PPP1R12C: variants seen among roughly 807,000 people sequenced by gnomAD.
PPP1R12C encodes the protein protein phosphatase 1 regulatory subunit 12C, also known as leukocyte receptor cluster (LRC) encoded novel gene 3.
A neutral mutation model predicts 95.6 loss-of-function variants in PPP1R12C; 48 were observed. The ratio of observed to expected loss-of-function variants is 0.50; its 90% CI spans 0.40 to 0.64. The LOEUF is 0.64. Ranked by LOEUF, PPP1R12C falls within the 30% of genes least tolerant of loss-of-function variation. The pLI, the probability that PPP1R12C is intolerant of heterozygous loss-of-function variation, is 0.00. For synonymous variants in PPP1R12C, 480 were observed against 460.8 expected (o/e 1.04, Z -0.53); for missense variants, 1,057 against 1,083.3 (o/e 0.98, Z 0.34).
At chr19:55,092,179 G>C in intron 19 of PPP1R12C, 43 bp downstream of exon 19, 3 of 1,501,862 alleles carry the variant, frequency 2.0e-6, no homozygotes, top group Non-Finnish European at 2.7e-6. Flanking sequence ...CCCCACCCAG[G>C]CGGCCCTGCC....
intron 1 of PPP1R12C, among the ~76,000 whole-genome samples, chr19:55,115,935 G>C (rs573554511): frequency 2.0e-5 from 3 of 152,312 alleles, no homozygotes; most frequent in African/African-American, 7.2e-5. Context: ...AAGAAGACTA[G>C]CTGAGCTCTC....
intron 4 of PPP1R12C, among the ~76,000 whole-genome samples, chr19:55,100,462 G>A (rs1052256760): frequency 2.0e-5 from 3 of 152,248 alleles, no homozygotes; most frequent in Admixed American, 6.5e-5. Flanking sequence ...GCTATGAGCC[G>A]CACACAGGCC....
chr19:55,111,087 T>C (rs1047481983), intron 3 of PPP1R12C, among the ~76,000 whole-genome samples: 2 of 132,008 alleles, frequency 1.5e-5, no homozygotes, highest in African/African-American at 5.6e-5. Flanking sequence ...TCCCTTTATG[T>C]GAAGTGTACA....
chr19:55,100,597 GT>G (rs576835766), intron 4 of PPP1R12C, among the ~76,000 whole-genome samples: 249 of 152,328 alleles, frequency 1.6e-3, no homozygotes, highest in African/African-American at 5.7e-3. Context: ...TGCAACAAAT[GT>G]TTTTTTGTTT....
Position 55,094,668 on chromosome 19 carries a change from G to A in PPP1R12C, c.1585C>T (p.Arg529Ter). The A allele has an allele frequency of 1.3e-6, 2 of 1,593,652 alleles. No individual in the cohort carries two copies. The highest frequency in any genetic ancestry group is 8.5e-7 in the Non-Finnish European group (1 of 1,173,310). ...STAPPADSRD[R>*]RRSYQMPVRD... Reference sequence around the variant, plus strand: ...CTGCCCTGGCCTCTTCACCTCCGTCGGTCCCGGGAGTCCGCTGGGGGCGCC... The same window carrying A: ...CTGCCCTGGCCTCTTCACCTCCGTCAGTCCCGGGAGTCCGCTGGGGGCGCC... The change falls in exon 12 of 22, where the codon CGA becomes TGA. Residue 529 changes from arginine (R) to a stop codon, truncating the protein, a stop_gained. Coordinates refer to ENST00000263433, the MANE Select transcript of PPP1R12C (RefSeq NM_017607.4). LOFTEE classifies it high-confidence loss of function.
chr19:55,107,698 C>T (rs1437157202), intron 3 of PPP1R12C, among the ~76,000 whole-genome samples: 4 of 96,316 alleles, frequency 4.2e-5, no homozygotes, highest in African/African-American at 8.8e-5. Context: ...TGGGGCCTGT[C>T]GTGGGGTGGG....
chr19:55,105,872 G>A (rs1311827816), intron 3 of PPP1R12C, among the ~76,000 whole-genome samples: 3 of 151,880 alleles, frequency 2.0e-5, no homozygotes, highest in Non-Finnish European at 4.4e-5. Flanking sequence ...GGCCCACGAG[G>A]TCAAGGCTGC....
intron 1 of PPP1R12C, among the ~76,000 whole-genome samples, chr19:55,116,922 G>C (rs995114292): frequency 1.3e-5 from 2 of 150,734 alleles, no homozygotes; most frequent in African/African-American, 4.9e-5. Context: ...GCCAGGGCCA[G>C]TTAAAGCGAC....
intron 4 of PPP1R12C, 135 bp from the exon 5 acceptor site, chr19:55,099,230 C>G: frequency 9.5e-7 from 1 of 1,050,716 alleles, no homozygotes; most frequent in Non-Finnish European, 1.3e-6. Context: ...TAAAGAGCCA[C>G]TGCCCAGCAT....
Position 55,117,252 on chromosome 19 carries a change from T to C in PPP1R12C, c.292A>G (p.Asn98Asp). The C allele has an allele frequency of 8.2e-7, 1 of 1,226,678 alleles. No homozygotes were observed. Among genetic ancestry groups the C allele is most frequent in the Non-Finnish European group, 1.0e-6 (1 of 985,704 alleles). 76.0% of individuals were successfully genotyped at this position (1,226,678 alleles called of 1,614,324 possible). Residue 98 changes from asparagine to aspartate, a missense_variant, in exon 1 of 22, where the codon AAC (asparagine) becomes GAC (aspartate). Asn to Asp is a conservative substitution (Grantham distance 23). Transcript: ENST00000263433. ...PPARAVLDST[N>D]ADGISALHQA... is the part of the protein sequence containing the mutation. ...TGCAGGGCGCTGATACCGTCGGCGTTGGTGGAGTCCAGCACGGCGCGGGCG... is the reference window on the plus strand; with the variant it reads ...TGCAGGGCGCTGATACCGTCGGCGTCGGTGGAGTCCAGCACGGCGCGGGCG...
chr19:55,113,674 C>T (rs1337823736), intron 1 of PPP1R12C: 3 of 1,109,128 alleles, frequency 2.7e-6, no homozygotes, highest in Non-Finnish European at 2.3e-6. Flanking sequence ...CTCACCTCTC[C>T]AAAGCTGCCC....
Position 55,092,544 on chromosome 19 carries a change from G to A in PPP1R12C, c.1953C>T (p.Ser651=). 1 of 1,599,514 alleles carries A rather than the reference G, an allele frequency of 6.3e-7. No homozygotes were observed. Among genetic ancestry groups the A allele is most frequent in the Non-Finnish European group, 8.5e-7 (1 of 1,173,732 alleles). ...GGGCCGAGGGGCCGCCCTCCAGGGT[G>A]CTGGGGCAGGGGAGGAGCGCGCGTC... ...AEPADRSQES[S]TLEGGPSARR... The change falls in exon 18 of 22, where the codon AGC becomes AGT. Residue 651 remains serine, a splice_region_variant and synonymous_variant. Coordinates refer to ENST00000263433, the MANE Select transcript of PPP1R12C (RefSeq NM_017607.4).
At chr19:55,113,278 T>G (rs964438275) in intron 1 of PPP1R12C, 4 of 758,232 alleles carry the variant, frequency 5.3e-6, no homozygotes, top group Non-Finnish European at 7.7e-6. Context: ...GCAGATACTC[T>G]GCAGGAACGA....
chr19:55,096,191 G>T lies in PPP1R12C; in HGVS notation c.1026-13C>A. ...ACACACAGAGCTCCTGTTGGGGAAGGAGAGGGTGCTGGGGTACAAGCCCGG... is the reference window on the plus strand; with the variant it reads ...ACACACAGAGCTCCTGTTGGGGAAGTAGAGGGTGCTGGGGTACAAGCCCGG... On this transcript the variant is annotated splice_polypyrimidine_tract_variant and intron_variant, in intron 7 of 21. Coordinates refer to ENST00000263433, the MANE Select transcript of PPP1R12C (RefSeq NM_017607.4). 1 of 1,609,120 alleles carries T rather than the reference G, an allele frequency of 6.2e-7. No homozygotes were observed.
At chr19:55,092,013 C>T in intron 19 of PPP1R12C, 104 bp from the exon 20 acceptor site, 4 of 1,435,300 alleles carry the variant, frequency 2.8e-6, no homozygotes, top group Non-Finnish European at 3.9e-6. Flanking sequence ...AGGCAGCCCA[C>T]AAGCCCTTCC....
chr19:55,091,820 G>A, intron 20 of PPP1R12C, 39 bp downstream of exon 20: 2 of 1,612,818 alleles, frequency 1.2e-6, no homozygotes, highest in East Asian at 2.2e-5. Context: ...TGTGAGGCTG[G>A]GGACGCCTCT....
rs748755584 is a variant in PPP1R12C at position 55,092,495 on chromosome 19, G to A, written c.2002C>T (p.Leu668Phe). The A allele has an allele frequency of 3.1e-6, 5 of 1,609,942 alleles. No homozygotes were observed. The highest frequency in any genetic ancestry group is 4.5e-5 in the East Asian group (2 of 44,720). Reference sequence around the variant, plus strand: ...GATTCTGGCTCAGGTTCTGGGTTGAGGTCCCGCTGCCACCGCTGCCTGCGG... The same window carrying A: ...GATTCTGGCTCAGGTTCTGGGTTGAAGTCCCGCTGCCACCGCTGCCTGCGG... ...SARRQRWQRD[L>F]NPEPEPESEE... Residue 668 changes from leucine (L) to phenylalanine (F), a missense_variant, in exon 18 of 22, where the codon CTC (leucine) becomes TTC (phenylalanine). By Grantham distance (22) the Leu-to-Phe change is conservative. Around this residue, in one of 5 missense-constraint regions of PPP1R12C, gnomAD observed 347 missense variants for 307.9 expected, o/e 1.13. Coordinates refer to ENST00000263433, the MANE Select transcript of PPP1R12C (RefSeq NM_017607.4).
rs1051060927 is a variant in PPP1R12C at position 55,096,433 on chromosome 19, G to A, written c.952-98C>T. 18 of 1,381,240 alleles carry A rather than the reference G, an allele frequency of 1.3e-5. No homozygotes were observed. In the African/African-American group the frequency reaches 1.6e-4, roughly 12 times the overall value. 85.6% of individuals were successfully genotyped at this position (1,381,240 alleles called of 1,614,324 possible). A position where few individuals can be genotyped will look rare whatever the true frequency, so the allele number is the denominator to read the frequency against. ...CTGTGCAGGAGCTCACTGCCCAGGC[G>A]GGCACCGAGGGCTCGTGGGCTTACT... On this transcript the variant is annotated intron_variant, in intron 6 of 21. Transcript: ENST00000263433.
chr19:55,095,805 T>G, intron 9 of PPP1R12C, 62 bp downstream of exon 9: 1 of 1,573,098 alleles, frequency 6.4e-7, no homozygotes, highest in Admixed American at 1.7e-5. Flanking sequence ...GTTCACAGGC[T>G]GTATGGAATC....
Sources: allele counts gnomAD v4.1 joint callset (sites outside exome capture counted in the v4.1 genomes callset), GRCh38; gene constraint gnomAD v4.1.1; regional missense constraint gnomAD v4.1.1; transcripts MANE v1.5; gene names NCBI Gene and HGNC (gene_info 2026-07-23, HGNC 2026-07-21).